Variants in ERC2 observed in about 807,000 individuals in gnomAD.
ERC2 encodes the protein ERC protein 2.
A neutral mutation model predicts 114.8 loss-of-function variants in ERC2; 42 were observed. That is an observed-to-expected ratio of 0.37 (90% CI 0.29 to 0.47). The LOEUF (loss-of-function observed/expected upper bound fraction) is 0.47. Among genes scored for constraint, ERC2 ranks in the 20% least tolerant of loss-of-function variants. The pLI, the probability that ERC2 is intolerant of heterozygous loss-of-function variation, is 0.99. For synonymous variants in ERC2, 454 were observed against 425.5 expected, an observed-to-expected ratio of 1.07 and a Z score of -0.82; for missense variants, 939 against 1,150.7, an observed-to-expected ratio of 0.82 and a Z score of 2.66.
intron 12 of ERC2, among the ~76,000 whole-genome samples, chr3:55,985,275 A>G (rs2070509951): frequency 6.6e-6 from 1 of 152,176 alleles, no homozygotes; most frequent in Non-Finnish European, 1.5e-5. Context: ...TTCAGACAAA[A>G]CGCCCATTTC....
chr3:55,972,756 T>C (rs2069264909), intron 12 of ERC2, among the ~76,000 whole-genome samples: 1 of 152,212 alleles, frequency 6.6e-6, no homozygotes, highest in Non-Finnish European at 1.5e-5. Flanking sequence ...TGTGTCTTTA[T>C]AGCAGACCAG....
chr3:56,432,106 TGTATCTCA>T (rs1427748790), intron 2 of ERC2, among the ~76,000 whole-genome samples: 3 of 152,236 alleles, frequency 2.0e-5, no homozygotes, highest in African/African-American at 7.2e-5. Context: ...GTCACTAAAA[TGTATCTCA>T]ATGTATTATT....
intron 2 of ERC2, among the ~76,000 whole-genome samples, chr3:56,427,389 G>C (rs992269290): frequency 1.1e-4 from 17 of 152,132 alleles, no homozygotes; most frequent in African/African-American, 4.1e-4. Flanking sequence ...GCCTCCCAAA[G>C]TATTGGGATT....
intron 17 of ERC2, among the ~76,000 whole-genome samples, chr3:55,546,221 T>A (rs941969726): frequency 2.0e-5 from 3 of 152,214 alleles, no homozygotes; most frequent in Non-Finnish European, 4.4e-5. Context: ...CTCTTCATTC[T>A]GTCCGGCCTC....
Position 55,638,852 on chromosome 3 carries a change from TTAGAA to T in ERC2, c.*39+44937_*39+44941del, listed in dbSNP as rs200192206. ...CTTTATTTCTACTCACCAAACTACATTAGAATAGTATTATTGGTACAGCTACAACC... is the reference window on the plus strand; with the variant it reads ...CTTTATTTCTACTCACCAAACTACATTAGTATTATTGGTACAGCTACAACC... On this transcript the variant is annotated intron_variant, in intron 17 of 17. Coordinates refer to ENST00000288221, the MANE Select transcript of ERC2 (RefSeq NM_015576.3). Among the ~76,000 whole-genome samples, 151 of 152,224 alleles carry T rather than the reference TTAGAA, an allele frequency of 9.9e-4. No individual in the cohort carries two copies. In the East Asian group the frequency reaches 0.026, roughly 27 times the overall value.
At chr3:56,435,780 T>C (rs539009645) in intron 1 of ERC2, among the ~76,000 whole-genome samples, 1 of 152,328 alleles carries the variant, frequency 6.6e-6, no homozygotes, top group Non-Finnish European at 1.5e-5. Context: ...ATCCTGGAGA[T>C]AGAAGAAAAA....
chr3:55,922,834 G>C (rs1338800810), intron 13 of ERC2, among the ~76,000 whole-genome samples: 1 of 152,176 alleles, frequency 6.6e-6, no homozygotes, highest in Non-Finnish European at 1.5e-5. Flanking sequence ...AACATCACCA[G>C]ATATTGGGGA....
At chr3:55,942,301 T>TTTTTTTTTTTTTTTTTG (rs1559906638) in intron 13 of ERC2, among the ~76,000 whole-genome samples, 2 of 120,780 alleles carry the variant, frequency 1.7e-5, no homozygotes, top group African/African-American at 6.8e-5. Flanking sequence ...TTTTTTTTTT[T>TTTTTTTTTTTTTTTTTG]TTGTTGAGAC....
intron 14 of ERC2, among the ~76,000 whole-genome samples, chr3:55,791,996 G>A (rs961506003): frequency 1.3e-5 from 2 of 152,082 alleles, no homozygotes; most frequent in African/African-American, 2.4e-5. Flanking sequence ...CCTCACCCAC[G>A]ACTGTGTATC....
At chr3:56,391,036 GAAC>G (rs1292643572) in intron 2 of ERC2, among the ~76,000 whole-genome samples, 1 of 152,166 alleles carries the variant, frequency 6.6e-6, no homozygotes, top group African/African-American at 2.4e-5. Context: ...AGTTTAATGG[GAAC>G]AACAGCTCTT....
At chr3:55,639,713 A>G (rs932719989) in intron 17 of ERC2, among the ~76,000 whole-genome samples, 6 of 152,036 alleles carry the variant, frequency 3.9e-5, no homozygotes, top group Admixed American at 1.3e-4. Flanking sequence ...TTTTAACCCA[A>G]CCAAACCTAA....
chr3:56,405,887 C>CTTTTT (rs72095902), intron 2 of ERC2, among the ~76,000 whole-genome samples: 19 of 85,170 alleles, frequency 2.2e-4, no homozygotes, highest in Admixed American at 3.2e-4. Flanking sequence ...ACTTTTTTTT[C>CTTTTT]TTTTTTTTTT....
intron 17 of ERC2, among the ~76,000 whole-genome samples, chr3:55,549,477 C>CTTT (rs11404043): frequency 0.058 from 7,148 of 123,028 alleles, 395 homozygotes; most frequent in African/African-American, 0.12. Flanking sequence ...GCCGCCTTAC[C>CTTT]TTTTTTTTTT....
intron 14 of ERC2, among the ~76,000 whole-genome samples, chr3:55,801,117 A>G (rs2071013694): frequency 6.6e-6 from 1 of 152,196 alleles, no homozygotes. Context: ...TGCTTCTTGA[A>G]TTATCTCAAG....
intron 12 of ERC2, among the ~76,000 whole-genome samples, chr3:55,969,136 T>C (rs573976650): frequency 8.8e-4 from 134 of 152,266 alleles, no homozygotes; most frequent in African/African-American, 3.1e-3. Context: ...CCCTGAAAGC[T>C]AAGTAGCTGT....
intron 2 of ERC2, among the ~76,000 whole-genome samples, chr3:56,399,994 T>G (rs574310858): frequency 6.6e-6 from 1 of 152,116 alleles, no homozygotes; most frequent in Non-Finnish European, 1.5e-5. Flanking sequence ...TGTGTGGTCC[T>G]TATTTGAATT....
chr3:55,959,417 G>A (rs1335910502), intron 12 of ERC2, among the ~76,000 whole-genome samples: 2 of 152,158 alleles, frequency 1.3e-5, no homozygotes, highest in African/African-American at 4.8e-5. Context: ...AAGACCCCAA[G>A]GATGGAGAGC....
At chr3:56,260,997 C>T (rs2052883465) in intron 3 of ERC2, among the ~76,000 whole-genome samples, 2 of 152,214 alleles carry the variant, frequency 1.3e-5, no homozygotes, top group African/African-American at 2.4e-5. Flanking sequence ...GTTGCACTAG[C>T]CACTGTTCAA....
chr3:56,056,466 A>G (rs1277871790), intron 7 of ERC2, among the ~76,000 whole-genome samples: 1 of 152,214 alleles, frequency 6.6e-6, no homozygotes, highest in Admixed American at 6.5e-5. Context: ...CAGAAAAGAA[A>G]GACACAAATG....
Sources: gnomAD v4.1 joint callset for allele counts (sites outside exome capture counted in the v4.1 genomes callset) on GRCh38, gnomAD v4.1.1 for gene constraint, MANE v1.5 for transcripts, NCBI Gene and HGNC (gene_info 2026-07-23, HGNC 2026-07-21) for gene names.